RAP1GAP2: variants seen among roughly 807,000 people sequenced by gnomAD.
RAP1GAP2 encodes rap1 GTPase-activating protein 2.
A neutral mutation model predicts 95.0 loss-of-function variants in RAP1GAP2; 27 were observed. The ratio of observed to expected loss-of-function variants is 0.28; its 90% CI spans 0.21 to 0.39. The LOEUF (loss-of-function observed/expected upper bound fraction) is 0.39. RAP1GAP2 is among the 10% of genes least tolerant of loss of function. The probability of loss-of-function intolerance (pLI) is 1.00; values close to 1 mark genes in which losing one functional copy is unlikely to be tolerated. For missense variants in RAP1GAP2, 771 were observed against 970.0 expected (o/e 0.79, Z 2.72); for synonymous variants, 373 against 380.9 (o/e 0.98, Z 0.24).
chr17:2,755,684 G>C (rs1384689819), upstream of RAP1GAP2: 1 of 297,902 alleles, frequency 3.4e-6, no homozygotes, highest in Non-Finnish European at 6.2e-6. Context: ...TCCACCGTGC[G>C]GCCCGCGGAG....
intron 1 of RAP1GAP2, among the ~76,000 whole-genome samples, chr17:2,759,248 G>C (rs1340469440): frequency 6.6e-6 from 1 of 152,082 alleles, no homozygotes; most frequent in African/African-American, 2.4e-5. Flanking sequence ...CTATATCTGT[G>C]CATACTTGTG....
chr17:2,773,008 G>A (rs946484033), upstream of RAP1GAP2, among the ~76,000 whole-genome samples: 5 of 151,932 alleles, frequency 3.3e-5, no homozygotes, highest in Non-Finnish European at 5.9e-5. Flanking sequence ...ACAGGCATGC[G>A]TCACCACACC....
At chr17:2,833,661 A>G (rs371342875) in intron 2 of RAP1GAP2, among the ~76,000 whole-genome samples, 11 of 142,710 alleles carry the variant, frequency 7.7e-5, no homozygotes, top group South Asian at 6.9e-4. Context: ...CTGCACTCCA[A>G]CCTGGGAGAC....
chr17:2,868,952 C>G (rs1409029754), intron 2 of RAP1GAP2, among the ~76,000 whole-genome samples: 1 of 152,154 alleles, frequency 6.6e-6, no homozygotes, highest in Non-Finnish European at 1.5e-5. Context: ...GTTCAGGGTA[C>G]TGGCAGATGG....
At chr17:2,808,199 C>T (rs2069603236) in intron 2 of RAP1GAP2, among the ~76,000 whole-genome samples, 1 of 152,092 alleles carries the variant, frequency 6.6e-6, no homozygotes, top group Admixed American at 6.5e-5. Flanking sequence ...GAGCTGAGCT[C>T]AGGAGAAAGT....
intron 4 of RAP1GAP2, among the ~76,000 whole-genome samples, chr17:2,961,995 C>T (rs760020547): frequency 6.6e-5 from 10 of 151,470 alleles, no homozygotes; most frequent in Non-Finnish European, 1.2e-4. Context: ...CTCTGCCTCC[C>T]GGGTTCAAGC....
intron 2 of RAP1GAP2, among the ~76,000 whole-genome samples, chr17:2,856,123 A>G (rs940575114): frequency 6.6e-6 from 1 of 152,092 alleles, no homozygotes; most frequent in African/African-American, 2.4e-5. Context: ...TCTGCCCTTC[A>G]GCATTTTATC....
chr17:2,820,903 T>TTTTTTTTTTTTTGTTTTTTG (rs1567678183), intron 2 of RAP1GAP2, among the ~76,000 whole-genome samples: 1 of 145,868 alleles, frequency 6.9e-6, no homozygotes, highest in African/African-American at 2.6e-5. Context: ...TTTTTTTTTT[T>TTTTTTTTTTTTTGTTTTTTG]TTTTTTGTAT....
At chr17:2,758,811 A>G (rs1446001500) in intron 1 of RAP1GAP2, among the ~76,000 whole-genome samples, 1 of 152,180 alleles carries the variant, frequency 6.6e-6, no homozygotes, top group Non-Finnish European at 1.5e-5. Context: ...AAAAAACTCT[A>G]GGAGCTCTTC....
chr17:2,809,322 G>A (rs1375350911), intron 2 of RAP1GAP2, among the ~76,000 whole-genome samples: 2 of 152,244 alleles, frequency 1.3e-5, no homozygotes, highest in East Asian at 3.8e-4. Flanking sequence ...GGCAGGAGGG[G>A]CTTTGCCTAT....
At chr17:2,932,842 A>AAAAAAAAGGG (rs140254643) in intron 3 of RAP1GAP2, among the ~76,000 whole-genome samples, 1 of 94,170 alleles carries the variant, frequency 1.1e-5, no homozygotes, top group African/African-American at 4.1e-5. Context: ...AAAAAAAAAA[A>AAAAAAAAGGG]AGAGCAGGGA....
chr17:2,995,494 G>T (rs1251351510), intron 13 of RAP1GAP2, 28 bp downstream of exon 13: 1 of 1,612,262 alleles, frequency 6.2e-7, no homozygotes, highest in Admixed American at 1.7e-5. Context: ...GGCTTTGGGA[G>T]CCCAGGGCGG....
intron 3 of RAP1GAP2, among the ~76,000 whole-genome samples, chr17:2,922,277 C>T (rs956420669): frequency 5.9e-5 from 9 of 152,212 alleles, no homozygotes; most frequent in Non-Finnish European, 1.2e-4. Flanking sequence ...ATCCCGTTCC[C>T]GAGGGTGGAA....
intron 3 of RAP1GAP2, among the ~76,000 whole-genome samples, chr17:2,927,137 A>G (rs1289677295): frequency 1.3e-5 from 2 of 151,354 alleles, no homozygotes; most frequent in East Asian, 1.9e-4. Flanking sequence ...CTCTGTTTTC[A>G]AGGCCAGCCA....
At chr17:2,931,804 AG>A (rs2043165738) in intron 3 of RAP1GAP2, among the ~76,000 whole-genome samples, 1 of 152,174 alleles carries the variant, frequency 6.6e-6, no homozygotes, top group Non-Finnish European at 1.5e-5. Flanking sequence ...GCAAGTGAGG[AG>A]GCTGGCGCCT....
Position 2,904,122 on chromosome 17 carries a change from C to T in RAP1GAP2, c.81-1162C>T, listed in dbSNP as rs9910572. 0.038 allele frequency among the ~76,000 whole-genome samples: 5,841 copies of T among 152,184 alleles called. 378 individuals carry two copies. Among genetic ancestry groups the T allele is most frequent in the African/African-American group, 0.13 (5,512 of 41,496 alleles). On this transcript the variant is annotated intron_variant, in intron 2 of 24. Transcript: ENST00000254695. This position sits in a 1 kb window ranked among gnomAD's most constrained non-coding sequence, Gnocchi z 4.7. ...ACACTTGTAAAGTTGGGGGCTTTGA[C>T]GGCTCAGCCCGGCCCTCTTCGGCTT... is the stretch of plus-strand genomic sequence containing the variant.
intron 2 of RAP1GAP2, among the ~76,000 whole-genome samples, chr17:2,838,044 A>G (rs1237007227): frequency 8.4e-6 from 1 of 119,398 alleles, no homozygotes; most frequent in African/African-American, 3.4e-5. Flanking sequence ...TTTGAGACAG[A>G]GTCTCGCCTT....
intron 2 of RAP1GAP2, among the ~76,000 whole-genome samples, chr17:2,865,582 A>G (rs916951048): frequency 2.6e-5 from 4 of 152,214 alleles, no homozygotes; most frequent in Non-Finnish European, 4.4e-5. Flanking sequence ...GATCTTTGAG[A>G]TGCACAGACA....
At chr17:2,767,575 T>C (rs1480489145) in intron 1 of RAP1GAP2, among the ~76,000 whole-genome samples, 1 of 145,738 alleles carries the variant, frequency 6.9e-6, no homozygotes, top group Non-Finnish European at 1.5e-5. Flanking sequence ...CCCTGCCCCC[T>C]TTTTAATGTC....
Sources: allele counts gnomAD v4.1 joint callset (sites outside exome capture counted in the v4.1 genomes callset), GRCh38; gene constraint gnomAD v4.1.1; non-coding constraint Gnocchi (gnomAD v3.1); transcripts MANE v1.5; gene names NCBI Gene and HGNC (gene_info 2026-07-23, HGNC 2026-07-21).